ASIC2: variants seen among roughly 807,000 people sequenced by gnomAD.
ASIC2 encodes acid sensing ion channel subunit 2.
ASIC2 carries 25 observed loss-of-function variants against 57.3 expected under a neutral mutation model. The observed-to-expected ratio is 0.44, with a 90% CI of 0.32 to 0.61. The LOEUF (loss-of-function observed/expected upper bound fraction) is 0.61. ASIC2 is among the 20% of genes least tolerant of loss of function. The pLI, the probability that ASIC2 is intolerant of heterozygous loss-of-function variation, is 0.06. For synonymous variants in ASIC2, 319 were observed against 307.5 expected (o/e 1.04, Z -0.39); for missense variants, 641 against 738.1 (o/e 0.87, Z 1.52).
At chr17:33,480,995 C>T (rs1166451436) in intron 1 of ASIC2, among the ~76,000 whole-genome samples, 1 of 152,182 alleles carries the variant, frequency 6.6e-6, no homozygotes, top group Non-Finnish European at 1.5e-5. Flanking sequence ...TTCTGTCACC[C>T]AGTTTTTAAT....
At chr17:33,066,985 T>G (rs767299792) in intron 3 of ASIC2, among the ~76,000 whole-genome samples, 1 of 152,022 alleles carries the variant, frequency 6.6e-6, no homozygotes, top group Non-Finnish European at 1.5e-5. Flanking sequence ...AAGGTAAACC[T>G]GGGATTGTAA....
intron 1 of ASIC2, among the ~76,000 whole-genome samples, chr17:33,341,015 A>G (rs1907699427): frequency 6.6e-6 from 1 of 152,222 alleles, no homozygotes. Context: ...GATATCATTT[A>G]AACTGCAGTT....
intron 1 of ASIC2, among the ~76,000 whole-genome samples, chr17:33,583,665 A>G (rs968671108): frequency 1.3e-5 from 2 of 152,144 alleles, no homozygotes; most frequent in Admixed American, 6.5e-5. Context: ...AATAGAAACT[A>G]TAGAAGGAGA....
chr17:33,644,454 G>C (rs1372410861), intron 1 of ASIC2, among the ~76,000 whole-genome samples: 1 of 152,128 alleles, frequency 6.6e-6, no homozygotes, highest in Non-Finnish European at 1.5e-5. Context: ...TCTCTCCTGT[G>C]ATGTTTCATT....
intron 1 of ASIC2, among the ~76,000 whole-genome samples, chr17:33,763,042 C>T (rs977509257): frequency 1.3e-5 from 2 of 152,160 alleles, no homozygotes; most frequent in African/African-American, 4.8e-5. Context: ...ATGAACTTGA[C>T]CAATGTTACA....
intron 1 of ASIC2, among the ~76,000 whole-genome samples, chr17:33,480,354 T>C (rs1032825350): frequency 2.0e-5 from 3 of 152,210 alleles, no homozygotes; most frequent in African/African-American, 7.2e-5. Context: ...GGCTCAGTCT[T>C]CTCCAAGGAG....
intron 1 of ASIC2, among the ~76,000 whole-genome samples, chr17:33,894,883 T>C (rs1476387527): frequency 6.6e-6 from 1 of 152,212 alleles, no homozygotes; most frequent in Middle Eastern, 3.4e-3. Flanking sequence ...TTGGCATAAA[T>C]GATAAACATT....
At chr17:33,853,067 G>A (rs1422827016) in intron 1 of ASIC2, among the ~76,000 whole-genome samples, 1 of 152,166 alleles carries the variant, frequency 6.6e-6, no homozygotes, top group East Asian at 1.9e-4. Flanking sequence ...AGTGAGTTGT[G>A]CACAATTTTG....
chr17:34,125,651 G>C (rs1911758433), intron 1 of ASIC2, among the ~76,000 whole-genome samples: 1 of 152,172 alleles, frequency 6.6e-6, no homozygotes, highest in Non-Finnish European at 1.5e-5. Flanking sequence ...TTTAATAAAT[G>C]AGTAAGACGA....
At chr17:33,816,187 T>C (rs1258420377) in intron 1 of ASIC2, among the ~76,000 whole-genome samples, 2 of 143,418 alleles carry the variant, frequency 1.4e-5, no homozygotes, top group African/African-American at 5.0e-5. Flanking sequence ...GCGGGTGGGG[T>C]AGAGAAAGTT....
At chr17:33,890,424 A>G (rs1914934482) in intron 1 of ASIC2, among the ~76,000 whole-genome samples, 1 of 152,246 alleles carries the variant, frequency 6.6e-6, no homozygotes. Context: ...ATAATAGTGG[A>G]AACCAACATT....
intron 1 of ASIC2, among the ~76,000 whole-genome samples, chr17:33,871,293 TCATTAAA>T (rs1914398915): frequency 6.6e-6 from 1 of 152,082 alleles, no homozygotes; most frequent in Admixed American, 6.5e-5. Context: ...CACCTTGAAG[TCATTAAA>T]AGCCCTCTAC....
In ASIC2 at chr17:34,103,863, T is replaced by C. The variant is rs766065576; in HGVS notation, c.555+52115A>G. 9.8e-5 allele frequency among the ~76,000 whole-genome samples: 15 copies of C among 152,358 alleles called. No individual in the cohort carries two copies. The East Asian group carries it at 1.2e-3, about 12-fold the overall frequency. On this transcript the variant is annotated intron_variant, in intron 1 of 9. Transcript: ENST00000359872. ...AACTGTCTTAATTACTGTAGCTTTA[T>C]ATTCATATGTCTTGAAGTCAAGTAG...
At chr17:33,306,355 G>T (rs1173201187) in intron 1 of ASIC2, among the ~76,000 whole-genome samples, 2 of 152,032 alleles carry the variant, frequency 1.3e-5, no homozygotes, top group Non-Finnish European at 2.9e-5. Context: ...CCCCTAGCCT[G>T]TTTTTTTCCA....
chr17:33,959,766 T>A (rs1294302363), intron 1 of ASIC2, among the ~76,000 whole-genome samples: 1 of 152,182 alleles, frequency 6.6e-6, no homozygotes, highest in East Asian at 1.9e-4. Flanking sequence ...CCTCTCCCAG[T>A]CCACTGACTC....
chr17:33,625,280 G>T (rs188031910), intron 1 of ASIC2, among the ~76,000 whole-genome samples: 1 of 152,096 alleles, frequency 6.6e-6, no homozygotes, highest in Non-Finnish European at 1.5e-5. Context: ...AGTAGAGGAA[G>T]TCAGCTTCAT....
intron 1 of ASIC2, among the ~76,000 whole-genome samples, chr17:33,610,736 T>A (rs1302590123): frequency 6.6e-6 from 1 of 151,420 alleles, no homozygotes; most frequent in Non-Finnish European, 1.5e-5. Context: ...AATAAATAAA[T>A]AAATAAAATA....
chr17:34,062,280 T>C (rs1908996283), intron 1 of ASIC2, among the ~76,000 whole-genome samples: 1 of 152,058 alleles, frequency 6.6e-6, no homozygotes, highest in African/African-American at 2.4e-5. Flanking sequence ...GAGCACTGGA[T>C]CAAAAACAAA....
chr17:33,628,570 A>C (rs2142025377), intron 1 of ASIC2, among the ~76,000 whole-genome samples: 1 of 152,204 alleles, frequency 6.6e-6, no homozygotes, highest in Admixed American at 6.5e-5. Context: ...TATGAGGGTT[A>C]CAGGTGTGAG....
Sources: allele counts gnomAD v4.1 joint callset (sites outside exome capture counted in the v4.1 genomes callset), GRCh38; gene constraint gnomAD v4.1.1; transcripts MANE v1.5; gene names NCBI Gene and HGNC (gene_info 2026-07-23, HGNC 2026-07-21).